HSD17B12: variants seen among roughly 807,000 people sequenced by gnomAD.
The protein encoded by HSD17B12 is hydroxysteroid 17-beta dehydrogenase 12.
A neutral mutation model predicts 39.3 loss-of-function variants in HSD17B12; 32 were observed. That is an observed-to-expected ratio of 0.81 (90% confidence interval 0.61 to 1.09). HSD17B12 has a LOEUF of 1.09. Among genes scored for constraint, HSD17B12 ranks in the 50% least tolerant of loss-of-function variants. The probability of loss-of-function intolerance (pLI) is 0.00; values close to 1 mark genes in which losing one functional copy is unlikely to be tolerated. For missense variants in HSD17B12, 342 were observed against 382.9 expected, an observed-to-expected ratio of 0.89 and a Z score of 0.89; for synonymous variants, 150 against 146.7, an observed-to-expected ratio of 1.02 and a Z score of -0.16.
intron 6 of HSD17B12, among the ~76,000 whole-genome samples, chr11:43,827,452 T>A (rs1432003793): frequency 6.6e-6 from 1 of 152,218 alleles, no homozygotes; most frequent in Non-Finnish European, 1.5e-5. Flanking sequence ...ATAAAGTTCC[T>A]TCTACAAACT....
At chr11:43,720,222 A>G (rs1391407009) in intron 1 of HSD17B12, among the ~76,000 whole-genome samples, 1 of 152,220 alleles carries the variant, frequency 6.6e-6, no homozygotes, top group Non-Finnish European at 1.5e-5. Flanking sequence ...AATTCTGCTT[A>G]AAAATTAAAC....
At chr11:43,589,151 A>C in the HSD17B12 span, among the ~76,000 whole-genome samples, 1 of 152,214 alleles carries the variant, frequency 6.6e-6, no homozygotes, top group Non-Finnish European at 1.5e-5. Context: ...ACTATTTGCT[A>C]TCGTAAATAA....
the HSD17B12 span, among the ~76,000 whole-genome samples, chr11:43,658,979 C>A: frequency 6.6e-6 from 1 of 152,224 alleles, no homozygotes; most frequent in African/African-American, 2.4e-5. Flanking sequence ...TGTCTGTGCC[C>A]TGCCCCTAGA....
At chr11:43,748,456 A>G (rs144047960) in intron 1 of HSD17B12, among the ~76,000 whole-genome samples, 38 of 152,260 alleles carry the variant, frequency 2.5e-4, no homozygotes, top group Non-Finnish European at 5.4e-4. Context: ...ACTGTGGTCT[A>G]CTAGAGGGTG....
At chr11:43,605,951 C>T in the HSD17B12 span, among the ~76,000 whole-genome samples, 2 of 152,182 alleles carry the variant, frequency 1.3e-5, no homozygotes, top group Non-Finnish European at 2.9e-5. Context: ...TACAGCTGAT[C>T]TAATGGCTGA....
At chr11:43,710,472 A>C (rs1213253851) in intron 1 of HSD17B12, among the ~76,000 whole-genome samples, 4 of 152,210 alleles carry the variant, frequency 2.6e-5, no homozygotes, top group Non-Finnish European at 5.9e-5. Flanking sequence ...TCACTTTTAG[A>C]AAAAGCAGGA....
At chr11:43,674,535 T>C in the HSD17B12 span, among the ~76,000 whole-genome samples, 8 of 152,236 alleles carry the variant, frequency 5.3e-5, no homozygotes, top group African/African-American at 1.9e-4. Context: ...TGCCTAGGCA[T>C]TTTAGAAGAG....
In HSD17B12 at chr11:43,816,791, C is replaced by T. The variant is rs186306284; in HGVS notation, c.501+400C>T. On this transcript the variant is annotated intron_variant, in intron 6 of 10. Coordinates refer to ENST00000278353, the MANE Select transcript of HSD17B12 (RefSeq NM_016142.3). ...CTCTTCCACCCTTTTCCTGAGTCCC[C>T]GAAGTCCATTGTATCATTCTTATGC... 2.1e-4 allele frequency among the ~76,000 whole-genome samples: 32 copies of T among 151,868 alleles called. No individual in the cohort carries two copies. In the East Asian group the frequency reaches 3.1e-3, roughly 15 times the overall value.
the HSD17B12 span, among the ~76,000 whole-genome samples, chr11:43,624,365 A>G: frequency 1.3e-5 from 2 of 152,010 alleles, no homozygotes; most frequent in African/African-American, 4.8e-5. Context: ...TAAATAAATA[A>G]ATAGATAAAT....
chr11:43,829,933 C>A (rs1951291414), intron 6 of HSD17B12: 3 of 152,016 alleles, frequency 2.0e-5, no homozygotes, highest in Admixed American at 2.0e-4. Flanking sequence ...CAATAAAATA[C>A]CCACCACTGT....
the HSD17B12 span, among the ~76,000 whole-genome samples, chr11:43,573,772 A>C: frequency 6.6e-6 from 1 of 152,248 alleles, no homozygotes; most frequent in South Asian, 2.1e-4. Flanking sequence ...GTGCCCACAC[A>C]CATGAATTTA....
intron 9 of HSD17B12, chr11:43,848,517 C>A (rs1215379861): frequency 2.0e-5 from 3 of 152,202 alleles, no homozygotes; most frequent in Non-Finnish European, 2.9e-5. Context: ...CAAATTCATT[C>A]TAAAAATATA....
chr11:43,619,185 T>A, the HSD17B12 span, among the ~76,000 whole-genome samples: 93 of 50,890 alleles, frequency 1.8e-3, no homozygotes, highest in Admixed American at 2.2e-3. Context: ...ATATATAAAA[T>A]ATATATATAT....
In HSD17B12 at chr11:43,680,892, T is replaced by G. The variant is rs1322755631; in HGVS notation, c.65T>G (p.Leu22Arg). The G allele has an allele frequency of 7.4e-6, 12 of 1,613,812 alleles. No individual in the cohort carries two copies. Among genetic ancestry groups the G allele is most frequent in the Non-Finnish European group, 1.0e-5 (12 of 1,179,974 alleles). Residue 22 changes from leucine to arginine, a missense_variant, in exon 1 of 11, where the codon CTA (leucine) becomes CGA (arginine). Leu to Arg is a moderately radical substitution (Grantham distance 102). Transcript: ENST00000278353. ...YWVGAGTVAY[L>R]ALRISYSLFT... ...GTCGGCGCGGGCACCGTGGCCTACCTAGCCCTGCGTATTTCGTACTCGCTC... is the reference window on the plus strand; with the variant it reads ...GTCGGCGCGGGCACCGTGGCCTACCGAGCCCTGCGTATTTCGTACTCGCTC...
chr11:43,773,488 C>T (rs969314046), intron 3 of HSD17B12, among the ~76,000 whole-genome samples: 1 of 152,208 alleles, frequency 6.6e-6, no homozygotes, highest in Non-Finnish European at 1.5e-5. Context: ...ATCCTCCCAC[C>T]TTGGCCTCAC....
intron 3 of HSD17B12, among the ~76,000 whole-genome samples, chr11:43,789,548 GA>G (rs1356979152): frequency 1.3e-5 from 2 of 152,308 alleles, no homozygotes. Context: ...TTTAGAATGG[GA>G]AATCTTTTTG....
chr11:43,657,738 C>T, the HSD17B12 span, among the ~76,000 whole-genome samples: 1 of 152,344 alleles, frequency 6.6e-6, no homozygotes, highest in South Asian at 2.1e-4. Flanking sequence ...CCCCCAGTCT[C>T]TTCTGGCTTA....
chr11:43,611,196 T>A, the HSD17B12 span, among the ~76,000 whole-genome samples: 1 of 152,194 alleles, frequency 6.6e-6, no homozygotes, highest in African/African-American at 2.4e-5. Context: ...GTAAATTATT[T>A]TAATATCATT....
At chr11:43,840,089 G>C (rs1055871283) in intron 9 of HSD17B12, 25 bp downstream of exon 9, 2 of 1,595,620 alleles carry the variant, frequency 1.3e-6, no homozygotes, top group Non-Finnish European at 1.7e-6. Flanking sequence ...TTTCACTTAA[G>C]TATCCCTGTT....
Sources: allele counts gnomAD v4.1 joint callset (sites outside exome capture counted in the v4.1 genomes callset), GRCh38; gene constraint gnomAD v4.1.1; transcripts MANE v1.5; gene names NCBI Gene and HGNC (gene_info 2026-07-23, HGNC 2026-07-21).